The following PDE3B variants were observed in gnomAD, a reference collection of about 807,000 sequenced individuals.
The protein encoded by PDE3B is phosphodiesterase 3B.
Under a neutral mutation model 116.8 loss-of-function variants are expected in PDE3B, and 66 were observed. The ratio of observed to expected loss-of-function variants is 0.56; its 90% CI spans 0.46 to 0.69. The LOEUF (loss-of-function observed/expected upper bound fraction) is 0.69, where lower values mean the gene tolerates loss of function less well. Among genes scored for constraint, PDE3B ranks in the 30% least tolerant of loss-of-function variants. The probability of loss-of-function intolerance (pLI) is 0.00; values close to 1 mark genes in which losing one functional copy is unlikely to be tolerated. For missense variants in PDE3B, 1,384 were observed against 1,368.1 expected (o/e 1.01, Z -0.18); for synonymous variants, 595 against 533.6 (o/e 1.12, Z -1.59).
chr11:14,765,975 A>G lies in PDE3B; in HGVS notation c.979-5962A>G, dbSNP rs903363646. Among the ~76,000 whole-genome samples the G allele has an allele frequency of 2.6e-5, 4 of 151,634 alleles. No individual in the cohort carries two copies. In the East Asian group the frequency reaches 7.7e-4, roughly 29 times the overall value. On this transcript the variant is annotated intron_variant, in intron 1 of 15. Transcript: ENST00000282096. ...GGAAGTAAAATTTTAAAAGAGCTAC[A>G]TTTTATTATATAGGAGGAATGAGTG... is the stretch of plus-strand genomic sequence containing the variant.
chr11:14,660,179 T>G (rs1049417200), intron 1 of PDE3B, among the ~76,000 whole-genome samples: 2 of 152,236 alleles, frequency 1.3e-5, no homozygotes, highest in Admixed American at 1.3e-4. Flanking sequence ...CGAGATCTTA[T>G]GCCCTGTTTA....
chr11:14,726,462 T>C (rs1856309514), intron 1 of PDE3B, among the ~76,000 whole-genome samples: 1 of 152,204 alleles, frequency 6.6e-6, no homozygotes, highest in Non-Finnish European at 1.5e-5. Flanking sequence ...ATTTCAGTGC[T>C]GAAATGTAAA....
chr11:14,852,758 T>C (rs1356478630), intron 12 of PDE3B, among the ~76,000 whole-genome samples: 2 of 152,126 alleles, frequency 1.3e-5, no homozygotes, highest in African/African-American at 2.4e-5. Context: ...GTGTGTTGCA[T>C]CACTCTGTTC....
intron 1 of PDE3B, among the ~76,000 whole-genome samples, chr11:14,726,357 C>G (rs1856306189): frequency 6.6e-6 from 1 of 152,098 alleles, no homozygotes; most frequent in East Asian, 1.9e-4. Flanking sequence ...ATCCCAACAG[C>G]CAAGAATAAT....
chr11:14,889,005 G>A, the PDE3B span, among the ~76,000 whole-genome samples: 1 of 152,132 alleles, frequency 6.6e-6, no homozygotes, highest in African/African-American at 2.4e-5. Context: ...TTTTCAGTGT[G>A]ATACACTTCT....
downstream of PDE3B, among the ~76,000 whole-genome samples, chr11:14,875,642 C>T (rs937490458): frequency 2.0e-5 from 3 of 152,128 alleles, no homozygotes; most frequent in East Asian, 5.8e-4. Context: ...TTTACCACAG[C>T]TAACTGGTTC....
chr11:14,673,506 A>G, intron 1 of PDE3B: 1 of 345,508 alleles, frequency 2.9e-6, no homozygotes, highest in Non-Finnish European at 5.9e-6. Flanking sequence ...TTCAAAGCAC[A>G]TCGTTTGTAC....
chr11:14,673,804 TG>T, intron 1 of PDE3B: 2 of 868,778 alleles, frequency 2.3e-6, no homozygotes, highest in Non-Finnish European at 4.0e-6. Context: ...ATGGGTGCCT[TG>T]GGGTGATCTG....
chr11:14,857,327 C>T (rs1285442139), intron 12 of PDE3B, among the ~76,000 whole-genome samples: 1 of 152,186 alleles, frequency 6.6e-6, no homozygotes, highest in Non-Finnish European at 1.5e-5. Flanking sequence ...TATCTGTTTG[C>T]TTGAAATGTT....
At chr11:14,656,971 T>C (rs531283713) in intron 1 of PDE3B, among the ~76,000 whole-genome samples, 1 of 152,338 alleles carries the variant, frequency 6.6e-6, no homozygotes, top group South Asian at 2.1e-4. Flanking sequence ...CTTTCAACAG[T>C]GGTCAGTATT....
At chr11:14,669,698 G>A (rs984009230) in intron 1 of PDE3B, among the ~76,000 whole-genome samples, 1 of 150,100 alleles carries the variant, frequency 6.7e-6, no homozygotes, top group African/African-American at 2.5e-5. Flanking sequence ...ACCTATGAGT[G>A]AGAATATGCG....
At chr11:14,889,735 G>GA in the PDE3B span, among the ~76,000 whole-genome samples, 2 of 152,266 alleles carry the variant, frequency 1.3e-5, no homozygotes, top group Admixed American at 1.3e-4. Context: ...ATTTATATAA[G>GA]AAAAGCTTAA....
intron 11 of PDE3B, among the ~76,000 whole-genome samples, chr11:14,836,832 C>T (rs745528568): frequency 2.0e-5 from 3 of 152,176 alleles, no homozygotes; most frequent in Admixed American, 6.5e-5. Flanking sequence ...ATTTTGGAGA[C>T]GGTGTCTCAC....
At chr11:14,887,241 G>A in the PDE3B span, 1 of 152,194 alleles carries the variant, frequency 6.6e-6, no homozygotes, top group Non-Finnish European at 1.5e-5. Context: ...CAGAACAGAG[G>A]GCAAATGTAT....
At chr11:14,663,148 A>G (rs1853994066) in intron 1 of PDE3B, among the ~76,000 whole-genome samples, 2 of 152,186 alleles carry the variant, frequency 1.3e-5, no homozygotes, top group South Asian at 4.1e-4. Context: ...AGTGGGGGCC[A>G]ATATTCAACA....
chr11:14,852,519 A>G (rs1484182632), intron 12 of PDE3B, among the ~76,000 whole-genome samples: 1 of 152,268 alleles, frequency 6.6e-6, no homozygotes, highest in African/African-American at 2.4e-5. Context: ...TGTCCTAATC[A>G]AAATACAGTT....
chr11:14,859,078 T>C lies in PDE3B; in HGVS notation c.2556T>C (p.Asn852=), dbSNP rs142156684. 3.7e-4 allele frequency: 594 copies of C among 1,613,606 alleles called. 4 individuals carry two copies. In the African/African-American group the frequency reaches 6.4e-3, roughly 17 times the overall value. Reference sequence around the variant, plus strand: ...ACAATGACAGATCTGTTCTGGAAAATCATCATGCTGCGTCAGCTTGGAATC... The same window carrying C: ...ACAATGACAGATCTGTTCTGGAAAACCATCATGCTGCGTCAGCTTGGAATC... The part of the protein sequence containing the change: ...VLYNDRSVLE[N]HHAASAWNLY... Residue 852 remains asparagine (N), a synonymous_variant, in exon 13 of 16, where the codon AAT becomes AAC. Coordinates refer to ENST00000282096, the MANE Select transcript of PDE3B (RefSeq NM_000922.4).
chr11:14,713,834 T>C (rs377686250), intron 1 of PDE3B, among the ~76,000 whole-genome samples: 28 of 152,208 alleles, frequency 1.8e-4, no homozygotes, highest in African/African-American at 6.5e-4. Context: ...GGCTAAACTA[T>C]CGTATAAGCA....
At chr11:14,799,354 A>G (rs2133929699) in intron 4 of PDE3B, among the ~76,000 whole-genome samples, 1 of 152,168 alleles carries the variant, frequency 6.6e-6, no homozygotes, top group East Asian at 1.9e-4. Flanking sequence ...ACTTCCCATT[A>G]CGTGGTCAAT....
Sources: allele counts gnomAD v4.1 joint callset (sites outside exome capture counted in the v4.1 genomes callset), GRCh38; gene constraint gnomAD v4.1.1; transcripts MANE v1.5; gene names NCBI Gene and HGNC (gene_info 2026-07-23, HGNC 2026-07-21).